UBR4: variants seen among roughly 807,000 people sequenced by gnomAD.
UBR4 encodes the protein E3 ubiquitin-protein ligase UBR4.
A neutral mutation model predicts 575.6 loss-of-function variants in UBR4; 124 were observed. That is an observed-to-expected ratio of 0.22 (90% CI 0.19 to 0.25). UBR4 has a LOEUF of 0.25. Ranked by LOEUF, UBR4 falls within the 10% of genes least tolerant of loss-of-function variation. The pLI, the probability that UBR4 is intolerant of heterozygous loss-of-function variation, is 1.00. For missense variants in UBR4, 4,818 were observed against 6,478.8 expected, an observed-to-expected ratio of 0.74 and a Z score of 8.80; for synonymous variants, 2,455 against 2,473.7, an observed-to-expected ratio of 0.99 and a Z score of 0.22.
At chr1:19,161,195 G>C in intron 37 of UBR4, 48 bp from the exon 38 acceptor site, 4 of 1,553,128 alleles carry the variant, frequency 2.6e-6, no homozygotes, top group Non-Finnish European at 3.5e-6. Flanking sequence ...CTCAAGCACA[G>C]AGGAAATACT....
At position 19,167,193 on chromosome 1, in the gene UBR4, G is replaced by A. The variant is rs1423921345; in HGVS notation, c.3938C>T (p.Thr1313Ile). ...DEMNPPQVIR[T>I]LLPLLLESST... is the part of the protein sequence containing the mutation. ...TGATTCCAAAAGAAGAGGTAGCAGT[G>A]TCCGAATTACCTGTGGTGGGTTCAT... Residue 1313 changes from threonine (T) to isoleucine (I), a missense_variant, in exon 29 of 106, where the codon ACA (threonine) becomes ATA (isoleucine). Thr to Ile is a moderately conservative substitution (Grantham distance 89, BLOSUM62 -1). Around this residue, in one of 29 missense-constraint regions of UBR4, gnomAD observed 1,172 missense variants for 1,259.7 expected, o/e 0.93. Coordinates refer to ENST00000375254, the MANE Select transcript of UBR4 (RefSeq NM_020765.3). 2 of 1,614,090 alleles carry A rather than the reference G, an allele frequency of 1.2e-6. No individual in the cohort carries two copies. The highest frequency in any genetic ancestry group is 1.1e-5 in the South Asian group (1 of 91,090).
Position 19,160,892 on chromosome 1 carries a change from ACTAGGGAGC to A in UBR4, c.5406+16_5406+24del. 1 of 1,608,762 alleles carries A rather than the reference ACTAGGGAGC, an allele frequency of 6.2e-7. No homozygotes were observed. The highest frequency in any genetic ancestry group is 1.3e-5 in the African/African-American group (1 of 74,960). On this transcript the variant is annotated intron_variant, in intron 38 of 105. Transcript: ENST00000375254. ...AACAGGCTCTGAACTCTGTCTGCTT[ACTAGGGAGC>A]ATCAGTCAGCCCCACCTGGTTCTGT... is the stretch of plus-strand genomic sequence containing the variant.
chr1:19,121,451 C>CAG lies in UBR4; in HGVS notation c.9896-19_9896-18dup. The CAG allele has an allele frequency of 6.2e-7, 1 of 1,608,476 alleles. No homozygotes were observed. Among genetic ancestry groups the CAG allele is most frequent in the Non-Finnish European group, 8.5e-7 (1 of 1,176,344 alleles). On this transcript the variant is annotated splice_polypyrimidine_tract_variant and intron_variant, in intron 67 of 105. Transcript: ENST00000375254. ...ACAGGACGGCTGCAAGCAGAGGAGA[C>CAG]AGAGGCTCACCTCTGAGACGACCTC... is the stretch of plus-strand genomic sequence containing the variant.
intron 1 of UBR4, among the ~76,000 whole-genome samples, chr1:19,209,866 G>C (rs890762080): frequency 2.0e-5 from 3 of 152,220 alleles, no homozygotes; most frequent in Non-Finnish European, 4.4e-5. Flanking sequence ...TTGCTCGAGA[G>C]GGGAAACTGA....
chr1:19,187,081 TATATATATATATATAC>T, intron 13 of UBR4, 67 bp downstream of exon 13: 4 of 892,814 alleles, frequency 4.5e-6, no homozygotes, highest in South Asian at 1.0e-4. Context: ...AAGTTTTATA[TATATATATATATATAC>T]ATATATATAT....
At chr1:19,116,394 G>A (rs2080531533) in intron 73 of UBR4, among the ~76,000 whole-genome samples, 1 of 152,210 alleles carries the variant, frequency 6.6e-6, no homozygotes. Flanking sequence ...CCACCCTAAT[G>A]TGCAGCATCT....
In UBR4 at chr1:19,150,613, G is replaced by A. The variant is rs756749221; in HGVS notation, c.7394C>T (p.Ala2465Val). 1 of 1,613,752 alleles carries A rather than the reference G, an allele frequency of 6.2e-7. No individual in the cohort carries two copies. Among genetic ancestry groups the A allele is most frequent in the African/African-American group, 1.3e-5 (1 of 75,028 alleles). Residue 2465 changes from alanine (A) to valine (V), a missense_variant, in exon 49 of 106, where the codon GCT (alanine) becomes GTT (valine). Around this residue, in one of 29 missense-constraint regions of UBR4, gnomAD observed 340 missense variants for 375.4 expected, o/e 0.91. Transcript: ENST00000375254. ...QSNGTGDSDS[A>V]APTTTSGTVL... Reference sequence around the variant, plus strand: ...AGTTCCACTGGTCGTAGTGGGGGCAGCTGAGTCGCTATCTCCAGTGCCGTT... The same window carrying A: ...AGTTCCACTGGTCGTAGTGGGGGCAACTGAGTCGCTATCTCCAGTGCCGTT...
intron 78 of UBR4, 67 bp downstream of exon 78, chr1:19,112,457 C>A: frequency 6.6e-7 from 1 of 1,523,162 alleles, no homozygotes; most frequent in Middle Eastern, 1.8e-4. Context: ...CACTCTCTAA[C>A]GCTCCTGGCA....
Position 19,139,303 on chromosome 1 carries a change from G to C in UBR4, c.8594-83C>G. The stretch of plus-strand genomic sequence containing the variant: ...AAAAAACAAAAAAAACCCCTCCTTG[G>C]GATGAAAGCATCAAACCACATAGTG... On this transcript the variant is annotated intron_variant, in intron 58 of 105. Coordinates refer to ENST00000375254, the MANE Select transcript of UBR4 (RefSeq NM_020765.3). This position sits in a 1 kb window ranked among gnomAD's most constrained non-coding sequence, Gnocchi z 4.2. 1 of 1,489,186 alleles carries C rather than the reference G, an allele frequency of 6.7e-7. No individual in the cohort carries two copies. The highest frequency in any genetic ancestry group is 9.0e-7 in the Non-Finnish European group (1 of 1,114,230). 92.2% of individuals were successfully genotyped at this position (1,489,186 alleles called of 1,614,324 possible).
chr1:19,173,318 G>A lies in UBR4; in HGVS notation c.3166-12C>T. The A allele has an allele frequency of 6.2e-7, 1 of 1,613,510 alleles. No homozygotes were observed. ...TTGATAAGGTGATCCTATTTGGACAGCAAGAAAAAGTGTTTAGGAGATGAC... is the reference window on the plus strand; with the variant it reads ...TTGATAAGGTGATCCTATTTGGACAACAAGAAAAAGTGTTTAGGAGATGAC... On this transcript the variant is annotated splice_polypyrimidine_tract_variant and intron_variant, in intron 23 of 105. Transcript: ENST00000375254.
rs754423276 is a variant in UBR4, at chr1:19,198,911, T to C, written c.396A>G (p.Leu132=). The C allele has an allele frequency of 3.7e-6, 6 of 1,613,980 alleles. No homozygotes were observed. The Middle Eastern group carries it at 5.0e-4, about 133-fold the overall frequency. ...TACAGCCAGTGCACAGGCCCTTGAT[T>C]AGGAGAATCAAGTGTTTCTGAAAAG... is the stretch of plus-strand genomic sequence containing the variant. ...CAVSQKHLIL[L]IKGLCTGCSR... The change falls in exon 4 of 106, where the codon CTA becomes CTG. Residue 132 remains leucine (L), a synonymous_variant. Coordinates refer to ENST00000375254, the MANE Select transcript of UBR4 (RefSeq NM_020765.3).
rs145994263 is a variant in UBR4, at chr1:19,110,776, G to A, written c.11858C>T (p.Thr3953Ile). The A allele has an allele frequency of 8.1e-6, 13 of 1,614,110 alleles. No individual in the cohort carries two copies. The highest frequency in any genetic ancestry group is 1.3e-5 in the African/African-American group (1 of 74,948). The change falls in exon 79 of 106, where the codon ACA becomes ATA. Residue 3953 changes from threonine to isoleucine, a missense_variant. Thr to Ile is a moderately conservative substitution (Grantham distance 89, BLOSUM62 -1). Around this residue, in one of 29 missense-constraint regions of UBR4, gnomAD observed 333 missense variants for 459.2 expected, o/e 0.73. Coordinates refer to ENST00000375254, the MANE Select transcript of UBR4 (RefSeq NM_020765.3). The surrounding 1 kb of genome is among the most constrained non-coding windows in gnomAD (Gnocchi z 4.5). ...GTTGGCCCAGTGGCCCTTCAGGGCT[G>A]TGGAGACCTTGCCAATAATCAGGTC... The part of the protein sequence containing the change: ...MNDLIIGKVS[T>I]ALKGHWANPD...
Position 19,147,978 on chromosome 1 carries a change from T to A in UBR4, c.7629+15A>T. The A allele has an allele frequency of 1.2e-6, 2 of 1,608,744 alleles. No homozygotes were observed. Among genetic ancestry groups the A allele is most frequent in the South Asian group, 2.2e-5 (2 of 90,736 alleles). On this transcript the variant is annotated intron_variant, in intron 51 of 105. Coordinates refer to ENST00000375254, the MANE Select transcript of UBR4 (RefSeq NM_020765.3). ...TGTCAGCACTGCAATTTCCTTTCCC[T>A]GAGAGAACAGTTACCTTGTGGCTGT...
chr1:19,149,733 G>A (rs1410663415), intron 49 of UBR4: 25 of 1,299,414 alleles, frequency 1.9e-5, no homozygotes, highest in South Asian at 5.0e-5. Flanking sequence ...ACACTCACTC[G>A]TGCAGAGAAA....
Position 19,140,906 on chromosome 1 carries a change from G to A in UBR4, c.8489-14C>T, listed in dbSNP as rs1445003996. 2 of 1,597,420 alleles carry A rather than the reference G, an allele frequency of 1.3e-6. No individual in the cohort carries two copies. Among genetic ancestry groups the A allele is most frequent in the South Asian group, 1.1e-5 (1 of 88,806 alleles). ...TGCTGCTGCTGCCTGGGAAACAAGT[G>A]GAGAGTGAGCACAACATCCCCTCCA... On this transcript the variant is annotated splice_polypyrimidine_tract_variant and intron_variant, in intron 57 of 105. Coordinates refer to ENST00000375254, the MANE Select transcript of UBR4 (RefSeq NM_020765.3).
rs760425361 is a variant in UBR4, at chr1:19,092,903, G to C, written c.14127C>G (p.Ile4709Met). 1.2e-6 allele frequency: 2 copies of C among 1,613,440 alleles called. No homozygotes were observed. The highest frequency in any genetic ancestry group is 2.2e-5 in the South Asian group (2 of 90,732). The change falls in exon 97 of 106, where the codon ATC (isoleucine) becomes ATG (methionine). Residue 4709 changes from isoleucine to methionine, a missense_variant. By Grantham distance (10) the Ile-to-Met change is conservative. Around this residue, in one of 29 missense-constraint regions of UBR4, gnomAD observed 39 missense variants for 37.5 expected, o/e 1.04. Transcript: ENST00000375254. ...CTGGGCGAGACAAAAACTTTTTCCA[G>C]ATGTCGGCATCCAAACTGCAAAGCA... ...IPSAKNLDAD[I>M]WKKFLSRPAL...
chr1:19,150,358 T>C (rs1312020003), intron 49 of UBR4, among the ~76,000 whole-genome samples: 1 of 152,200 alleles, frequency 6.6e-6, no homozygotes, highest in Non-Finnish European at 1.5e-5. Flanking sequence ...ACAGAACTTC[T>C]GTCCAGGGAG....
chr1:19,112,972 A>G, intron 77 of UBR4, 105 bp from the exon 78 acceptor site: 1 of 1,188,154 alleles, frequency 8.4e-7, no homozygotes, highest in Admixed American at 2.5e-5. Flanking sequence ...CATGCATTAT[A>G]TAACTTAATC....
chr1:19,115,050 C>T (rs973369663), intron 74 of UBR4, 101 bp from the exon 75 acceptor site: 4 of 1,504,142 alleles, frequency 2.7e-6, no homozygotes, highest in African/African-American at 2.8e-5. Context: ...ACTCTGGTAA[C>T]TACTGCAGGG....
Sources: allele counts gnomAD v4.1 joint callset (sites outside exome capture counted in the v4.1 genomes callset), GRCh38; gene constraint gnomAD v4.1.1; regional missense constraint gnomAD v4.1.1; non-coding constraint Gnocchi (gnomAD v3.1); transcripts MANE v1.5; gene names NCBI Gene and HGNC (gene_info 2026-07-23, HGNC 2026-07-21).